The following UGP2 variants were observed in gnomAD, a reference collection of about 807,000 sequenced individuals.
UGP2 encodes the protein UDP-glucose pyrophosphorylase 2.
A neutral mutation model predicts 49.0 loss-of-function variants in UGP2; 40 were observed. The observed-to-expected ratio is 0.82, with a 90% CI of 0.63 to 1.06. The LOEUF (loss-of-function observed/expected upper bound fraction) is 1.06. UGP2 is among the 50% of genes least tolerant of loss of function. UGP2 has a pLI of 0.00. For synonymous variants in UGP2, 225 were observed against 213.0 expected (o/e 1.06, Z -0.49); for missense variants, 460 against 603.5 (o/e 0.76, Z 2.49).
At chr2:63,855,518 C>CTTTTTT in intron 1 of UGP2, 1 of 175,116 alleles carries the variant, frequency 5.7e-6, no homozygotes, top group Non-Finnish European at 1.1e-5. Context: ...GTTTCTTTTT[C>CTTTTTT]TGTTTTTTTT....
At chr2:63,861,063 A>G (rs749183333) in intron 3 of UGP2, among the ~76,000 whole-genome samples, 9 of 152,022 alleles carry the variant, frequency 5.9e-5, no homozygotes, top group Non-Finnish European at 7.4e-5. Flanking sequence ...ATAAGAACCC[A>G]GTTTATAGCG....
At chr2:63,854,136 C>T (rs1669227794) in intron 1 of UGP2, among the ~76,000 whole-genome samples, 1 of 152,174 alleles carries the variant, frequency 6.6e-6, no homozygotes, top group Non-Finnish European at 1.5e-5. Context: ...TGCTTCTGGG[C>T]TCCACCATTG....
intron 3 of UGP2, among the ~76,000 whole-genome samples, chr2:63,873,706 C>T (rs753093897): frequency 6.6e-5 from 10 of 151,884 alleles, no homozygotes; most frequent in Non-Finnish European, 1.3e-4. Context: ...CCTGGAGCAG[C>T]GTGTTAGGGG....
At chr2:63,880,155 C>T (rs1197123400) in intron 3 of UGP2, among the ~76,000 whole-genome samples, 1 of 148,848 alleles carries the variant, frequency 6.7e-6, no homozygotes, top group Non-Finnish European at 1.5e-5. Context: ...CTCCCCTCTC[C>T]CCTTCCCCCT....
At chr2:63,889,909 T>C (rs1157162912) in intron 8 of UGP2, 172 bp from the exon 9 acceptor site, 1 of 560,100 alleles carries the variant, frequency 1.8e-6, no homozygotes. Context: ...TGGTCTTTCC[T>C]GCACGGCATT....
chr2:63,866,370 T>C (rs1198471766), intron 3 of UGP2, among the ~76,000 whole-genome samples: 1 of 152,248 alleles, frequency 6.6e-6, no homozygotes, highest in Non-Finnish European at 1.5e-5. Flanking sequence ...CTTGCACTTA[T>C]TTTTAAAATT....
At chr2:63,862,279 A>G (rs2104296487) in intron 3 of UGP2, among the ~76,000 whole-genome samples, 1 of 152,268 alleles carries the variant, frequency 6.6e-6, no homozygotes, top group South Asian at 2.1e-4. Context: ...CTGAATACCA[A>G]AGAGTCTCAT....
At chr2:63,870,704 T>C (rs1670490196) in intron 3 of UGP2, among the ~76,000 whole-genome samples, 1 of 152,224 alleles carries the variant, frequency 6.6e-6, no homozygotes, top group South Asian at 2.1e-4. Context: ...TCACAAATGT[T>C]TGAGTGCTGC....
chr2:63,844,169 AT>A (rs1457068572), intron 1 of UGP2, among the ~76,000 whole-genome samples: 2 of 152,196 alleles, frequency 1.3e-5, no homozygotes, highest in Non-Finnish European at 2.9e-5. Context: ...CCTGTTTATC[AT>A]TGTTTAAATT....
rs1169163516 is a variant in UGP2, at chr2:63,856,289, T to C, written c.20-17T>C. 1.9e-6 allele frequency: 3 copies of C among 1,607,994 alleles called. No individual in the cohort carries two copies. In the African/African-American group the frequency reaches 4.0e-5, roughly 22 times the overall value. On this transcript the variant is annotated splice_polypyrimidine_tract_variant and intron_variant, in intron 1 of 9. Transcript: ENST00000337130. The stretch of plus-strand genomic sequence containing the variant: ...TCCTGGAGTTTTCAGTTGGTGGTTT[T>C]ATGTTTTTGTTTTAAGATCTTAGCA...
At chr2:63,858,461 T>C (rs929041475) in intron 3 of UGP2, among the ~76,000 whole-genome samples, 9 of 152,128 alleles carry the variant, frequency 5.9e-5, no homozygotes, top group African/African-American at 2.2e-4. Context: ...TACGTTTATT[T>C]GCATATGTGG....
At position 63,842,209 on chromosome 2, in the gene UGP2, G is replaced by A. The variant is rs1352777531; in HGVS notation, c.19+5G>A. 1.2e-6 allele frequency: 2 copies of A among 1,607,664 alleles called. No individual in the cohort carries two copies. Among genetic ancestry groups the A allele is most frequent in the Non-Finnish European group, 1.7e-6 (2 of 1,178,376 alleles). ...AAATGTCGAGATTTGTACAAGGTAA[G>A]AAATGCTGCTGCTTATATCCCGAGT... On this transcript the variant is annotated splice_donor_5th_base_variant and intron_variant, in intron 1 of 9. Transcript: ENST00000337130.
At chr2:63,890,304 CTA>C in intron 9 of UGP2, 119 bp downstream of exon 9, 1 of 413,414 alleles carries the variant, frequency 2.4e-6, no homozygotes, top group East Asian at 3.4e-5. Flanking sequence ...ACCTTAATTA[CTA>C]GTGTAATTAT....
intron 3 of UGP2, among the ~76,000 whole-genome samples, chr2:63,868,965 CA>C (rs112034753): frequency 2.7e-3 from 355 of 131,564 alleles, no homozygotes; most frequent in African/African-American, 2.8e-3. Flanking sequence ...AACTCCATCT[CA>C]AAAAAAAAAA....
rs1672139792 is a variant in UGP2 at position 63,891,329 on chromosome 2, C to T, written c.*102C>T. 2.3e-6 allele frequency: 2 copies of T among 868,190 alleles called. No individual in the cohort carries two copies. Among genetic ancestry groups the T allele is most frequent in the Non-Finnish European group, 3.4e-6 (2 of 582,836 alleles). 53.8% of individuals were successfully genotyped at this position (868,190 alleles called of 1,614,324 possible). A position where few individuals can be genotyped will look rare whatever the true frequency, so the allele number is the denominator to read the frequency against. On this transcript the variant is annotated 3_prime_UTR_variant, in exon 10 of 10. Coordinates refer to ENST00000337130, the MANE Select transcript of UGP2 (RefSeq NM_006759.4). ...CAGGTACTTTACTATGTTACTGTAC[C>T]CTGCAGTGTTGATTTTTAAAATAGA...
chr2:63,875,115 T>C (rs1302094420), intron 3 of UGP2, among the ~76,000 whole-genome samples: 2 of 152,330 alleles, frequency 1.3e-5, no homozygotes, highest in East Asian at 1.9e-4. Context: ...AAATGTGAAA[T>C]AGACAATACA....
chr2:63,890,221 C>T, intron 9 of UGP2, 36 bp downstream of exon 9: 1 of 1,475,088 alleles, frequency 6.8e-7, no homozygotes, highest in Non-Finnish European at 9.4e-7. Flanking sequence ...TTTCTTACAG[C>T]TTACAATATA....
At chr2:63,881,307 G>T (rs979209041) in intron 3 of UGP2, among the ~76,000 whole-genome samples, 2 of 151,832 alleles carry the variant, frequency 1.3e-5, no homozygotes, top group African/African-American at 4.8e-5. Flanking sequence ...GATCACTGGA[G>T]TGTGAGCCTG....
intron 1 of UGP2, among the ~76,000 whole-genome samples, chr2:63,848,242 T>C (rs1051112613): frequency 6.6e-6 from 1 of 152,274 alleles, no homozygotes; most frequent in Non-Finnish European, 1.5e-5. Flanking sequence ...CAATTTCTTT[T>C]CTAAATATCA....
Sources: allele counts gnomAD v4.1 joint callset (sites outside exome capture counted in the v4.1 genomes callset), GRCh38; gene constraint gnomAD v4.1.1; transcripts MANE v1.5; gene names NCBI Gene and HGNC (gene_info 2026-07-23, HGNC 2026-07-21).